Variants in SPATA6L observed in about 807,000 individuals in gnomAD.
The protein encoded by SPATA6L is spermatogenesis associated 6-like protein.
In SPATA6L, 68 loss-of-function variants were observed where a neutral mutation model predicts 49.2. The ratio of observed to expected loss-of-function variants is 1.38; its 90% CI spans 1.14 to 1.69. SPATA6L has a LOEUF of 1.69. SPATA6L is among the 40% of genes most tolerant of loss of function. SPATA6L has a pLI of 0.00. For missense variants in SPATA6L, 668 were observed against 464.3 expected (o/e 1.44, Z -4.03); for synonymous variants, 198 against 165.7 (o/e 1.19, Z -1.50).
At chr9:4,622,693 T>C (rs1829605303) in intron 6 of SPATA6L, among the ~76,000 whole-genome samples, 183 bp from the exon 7 acceptor site, 1 of 152,182 alleles carries the variant, frequency 6.6e-6, no homozygotes, top group African/African-American at 2.4e-5. Context: ...GGAGAAACTG[T>C]TTGTCCTTCA....
intron 7 of SPATA6L, among the ~76,000 whole-genome samples, chr9:4,619,520 T>G (rs1828800388): frequency 2.0e-5 from 3 of 152,006 alleles, no homozygotes; most frequent in Admixed American, 1.3e-4. Context: ...AATGAGTAAG[T>G]TCAATAACCC....
At chr9:4,663,490 T>G (rs1840357852) in intron 1 of SPATA6L, 1 of 518,128 alleles carries the variant, frequency 1.9e-6, no homozygotes, top group East Asian at 3.1e-5. Flanking sequence ...TCCTCTATTG[T>G]ATATTTATTC....
At chr9:4,646,618 T>C in intron 3 of SPATA6L, 1 of 567,514 alleles carries the variant, frequency 1.8e-6, no homozygotes, top group East Asian at 3.3e-5. Context: ...TAAAACCCAC[T>C]TAATAGTAAT....
chr9:4,597,587 C>G (rs1415874690), downstream of SPATA6L, among the ~76,000 whole-genome samples: 1 of 152,184 alleles, frequency 6.6e-6, no homozygotes, highest in Non-Finnish European at 1.5e-5. Context: ...AGCATAGGTT[C>G]TTTCCTTTGA....
At chr9:4,628,752 G>A (rs1037706664) in intron 5 of SPATA6L, 12 of 162,190 alleles carry the variant, frequency 7.4e-5, no homozygotes, top group Non-Finnish European at 1.4e-4. Flanking sequence ...TTTTAAAAAA[G>A]AAAGATGGAA....
chr9:4,654,997 C>G (rs985585056), intron 3 of SPATA6L, among the ~76,000 whole-genome samples: 5 of 152,204 alleles, frequency 3.3e-5, no homozygotes, highest in Admixed American at 2.6e-4. Context: ...ACTCTCTTCT[C>G]TTCCCAGCAC....
chr9:4,651,828 C>A (rs558174167), intron 3 of SPATA6L, among the ~76,000 whole-genome samples: 31 of 152,212 alleles, frequency 2.0e-4, no homozygotes, highest in African/African-American at 6.5e-4. Context: ...TTATAAAAAA[C>A]CATATTTTAA....
chr9:4,590,494 T>A (rs1023834853), intron 13 of SPATA6L, among the ~76,000 whole-genome samples: 2 of 152,200 alleles, frequency 1.3e-5, no homozygotes, highest in Non-Finnish European at 2.9e-5. Flanking sequence ...AATCTCCGCT[T>A]GGCCTGCCAC....
chr9:4,606,219 G>C (rs1010172173), intron 9 of SPATA6L, among the ~76,000 whole-genome samples: 2 of 149,276 alleles, frequency 1.3e-5, no homozygotes, highest in African/African-American at 5.0e-5. Context: ...GCGAGGCTGG[G>C]GGAGGGGCGC....
intron 3 of SPATA6L, among the ~76,000 whole-genome samples, chr9:4,639,697 C>T (rs1833615437): frequency 1.3e-5 from 2 of 152,226 alleles, no homozygotes; most frequent in Non-Finnish European, 1.5e-5. Flanking sequence ...GAGCTAATTA[C>T]ACAGACAGTG....
chr9:4,589,220 G>A (rs776998505), intron 13 of SPATA6L, among the ~76,000 whole-genome samples: 2 of 152,240 alleles, frequency 1.3e-5, no homozygotes, highest in Non-Finnish European at 2.9e-5. Context: ...AAATGCATGT[G>A]ATGCATGTAG....
At chr9:4,663,259 G>A (rs775992584) in intron 1 of SPATA6L, 9 of 1,611,732 alleles carry the variant, frequency 5.6e-6, no homozygotes, top group Admixed American at 3.3e-5. Context: ...TGGAGTCAAC[G>A]ATGACACCAT....
Position 4,659,583 on chromosome 9 carries a change from C to T in SPATA6L, c.177+2316G>A, listed in dbSNP as rs537767848. ...GCTCATGGATAGGAATAATCAATAT[C>T]GTGAAAATGGCCATACTGCCCAGGG... On this transcript the variant is annotated intron_variant, in intron 2 of 11. Transcript: ENST00000682582. Among the ~76,000 whole-genome samples the T allele has an allele frequency of 3.9e-5, 6 of 152,212 alleles. No individual in the cohort carries two copies. The South Asian group carries it at 8.3e-4, about 21-fold the overall frequency.
At chr9:4,656,115 A>G (rs945925048) in intron 2 of SPATA6L, 26 bp from the exon 3 acceptor site, 2 of 1,600,574 alleles carry the variant, frequency 1.2e-6, no homozygotes, top group Non-Finnish European at 1.7e-6. Flanking sequence ...GGGAAAATAA[A>G]TTTTCAAAGT....
intron 9 of SPATA6L, among the ~76,000 whole-genome samples, chr9:4,609,979 A>G (rs1461742303): frequency 2.0e-5 from 3 of 152,020 alleles, no homozygotes; most frequent in African/African-American, 2.4e-5. Context: ...TACAAAAATC[A>G]CAAGTATTCT....
chr9:4,594,645 C>T (rs552928644), downstream of SPATA6L, among the ~76,000 whole-genome samples: 1 of 152,232 alleles, frequency 6.6e-6, no homozygotes, highest in South Asian at 2.1e-4. Context: ...TATTTGAATC[C>T]GTCTGCTCTG....
At chr9:4,618,840 T>G (rs762944411) in intron 8 of SPATA6L, 24 bp downstream of exon 8, 1 of 1,602,986 alleles carries the variant, frequency 6.2e-7, no homozygotes, top group Non-Finnish European at 8.5e-7. Context: ...TAAATCATTT[T>G]ACAAATTCTA....
intron 11 of SPATA6L, among the ~76,000 whole-genome samples, chr9:4,602,653 C>T (rs1276090809): frequency 6.9e-6 from 1 of 145,190 alleles, no homozygotes; most frequent in African/African-American, 2.7e-5. Context: ...TAGTGGGAGC[C>T]TTCCAAAGGC....
At chr9:4,618,241 C>A in intron 8 of SPATA6L, 131 bp from the exon 9 acceptor site, 1 of 664,614 alleles carries the variant, frequency 1.5e-6, no homozygotes, top group African/African-American at 1.8e-5. Context: ...GGATCTCCTG[C>A]AAATAGAAGA....
Sources: gnomAD v4.1 joint callset for allele counts (sites outside exome capture counted in the v4.1 genomes callset) on GRCh38, gnomAD v4.1.1 for gene constraint, MANE v1.5 for transcripts, NCBI Gene and HGNC (gene_info 2026-07-23, HGNC 2026-07-21) for gene names.